GPC6: variants seen among roughly 807,000 people sequenced by gnomAD.
GPC6 encodes the protein glypican-6.
A neutral mutation model predicts 55.2 loss-of-function variants in GPC6; 14 were observed. That is an observed-to-expected ratio of 0.25 (90% CI 0.17 to 0.40). GPC6 has a LOEUF of 0.40. Among genes scored for constraint, GPC6 ranks in the 10% least tolerant of loss-of-function variants. The pLI is 1.00. For missense variants in GPC6, 641 were observed against 708.5 expected (o/e 0.90, Z 1.08); for synonymous variants, 278 against 259.6 (o/e 1.07, Z -0.68).
intron 7 of GPC6, among the ~76,000 whole-genome samples, chr13:94,392,895 G>A (rs2139220778): frequency 6.6e-6 from 1 of 152,072 alleles, no homozygotes; most frequent in African/African-American, 2.4e-5. Flanking sequence ...TTATAGGTGT[G>A]AGCCACTGCA....
At chr13:94,029,062 G>A (rs1883012279) in intron 4 of GPC6, among the ~76,000 whole-genome samples, 1 of 152,182 alleles carries the variant, frequency 6.6e-6, no homozygotes, top group South Asian at 2.1e-4. Context: ...AAACGAGCAT[G>A]CACAAGTAAA....
At chr13:93,662,203 C>A (rs1047862300) in intron 2 of GPC6, among the ~76,000 whole-genome samples, 2 of 152,162 alleles carry the variant, frequency 1.3e-5, no homozygotes, top group Admixed American at 1.3e-4. Flanking sequence ...TTCTGTTATT[C>A]ATAAATACAT....
rs558727640 is a variant in GPC6 at position 93,670,088 on chromosome 13, G to A, written c.319+124667G>A. ...CCAACAGGTGATCCATTAAGGACTTGAGAGCAGTTAAGTCTTCCTTTGGGA... is the reference window on the plus strand; with the variant it reads ...CCAACAGGTGATCCATTAAGGACTTAAGAGCAGTTAAGTCTTCCTTTGGGA... On this transcript the variant is annotated intron_variant, in intron 2 of 8. Transcript: ENST00000377047. Among the ~76,000 whole-genome samples the A allele has an allele frequency of 2.0e-5, 3 of 152,278 alleles. No individual in the cohort carries two copies. The South Asian group carries it at 6.2e-4, about 32-fold the overall frequency.
intron 1 of GPC6, among the ~76,000 whole-genome samples, chr13:93,254,081 G>T (rs1199630300): frequency 6.6e-6 from 1 of 152,106 alleles, no homozygotes; most frequent in Non-Finnish European, 1.5e-5. Flanking sequence ...TCAAGCATTT[G>T]GGAGGCCAAG....
intron 1 of GPC6, among the ~76,000 whole-genome samples, chr13:93,298,398 G>A (rs1003192649): frequency 1.3e-5 from 2 of 152,030 alleles, no homozygotes; most frequent in East Asian, 3.9e-4. Flanking sequence ...AGAAGTCCTT[G>A]TCCTTCTAGC....
At chr13:93,343,584 T>C (rs1189803001) in intron 1 of GPC6, among the ~76,000 whole-genome samples, 1 of 152,178 alleles carries the variant, frequency 6.6e-6, no homozygotes, top group Admixed American at 6.5e-5. Context: ...TTTTGCATCA[T>C]GTTTATTTTA....
intron 4 of GPC6, among the ~76,000 whole-genome samples, chr13:94,285,864 A>T (rs765801172): frequency 3.9e-5 from 6 of 152,202 alleles, no homozygotes. Context: ...GTGTGATCAC[A>T]TCCAGACAGA....
At chr13:93,573,477 C>CA (rs950391886) in intron 2 of GPC6, among the ~76,000 whole-genome samples, 28 of 143,822 alleles carry the variant, frequency 1.9e-4, no homozygotes, top group East Asian at 6.0e-4. Context: ...TGGGAAACTA[C>CA]AAAAAAAAAA....
intron 4 of GPC6, among the ~76,000 whole-genome samples, chr13:94,155,125 T>C (rs1228209972): frequency 6.6e-6 from 1 of 152,146 alleles, no homozygotes. Context: ...CAAACGTCTC[T>C]CCTGATGCCA....
chr13:93,246,303 A>G (rs1307438314), intron 1 of GPC6, among the ~76,000 whole-genome samples: 1 of 152,088 alleles, frequency 6.6e-6, no homozygotes, highest in African/African-American at 2.4e-5. Flanking sequence ...TGCTCCTTAC[A>G]TCATAGTTTT....
At chr13:93,922,449 A>T (rs1334292353) in intron 3 of GPC6, among the ~76,000 whole-genome samples, 1 of 152,208 alleles carries the variant, frequency 6.6e-6, no homozygotes, top group Non-Finnish European at 1.5e-5. Flanking sequence ...TAATTATACT[A>T]CATATCTAAA....
At chr13:94,225,692 C>T (rs1890534758) in intron 4 of GPC6, among the ~76,000 whole-genome samples, 1 of 139,824 alleles carries the variant, frequency 7.2e-6, no homozygotes, top group Non-Finnish European at 1.6e-5. Context: ...TATATATAAA[C>T]TGTATAGTCT....
chr13:93,893,953 T>C (rs1405760071), intron 3 of GPC6, among the ~76,000 whole-genome samples: 1 of 152,134 alleles, frequency 6.6e-6, no homozygotes, highest in Admixed American at 6.6e-5. Context: ...AGAACACCGG[T>C]CCACATGCAG....
At chr13:93,965,168 T>C (rs531398883) in intron 3 of GPC6, among the ~76,000 whole-genome samples, 2 of 145,096 alleles carry the variant, frequency 1.4e-5, no homozygotes, top group Non-Finnish European at 3.0e-5. Flanking sequence ...ATAACCACGA[T>C]TGGGAGGCTG....
intron 2 of GPC6, among the ~76,000 whole-genome samples, chr13:93,554,384 AT>A (rs1164628907): frequency 6.6e-6 from 1 of 152,092 alleles, no homozygotes; most frequent in Non-Finnish European, 1.5e-5. Context: ...CCAATATTCT[AT>A]TATTATTGCG....
chr13:93,535,923 T>C (rs771352338), intron 1 of GPC6, among the ~76,000 whole-genome samples: 2 of 152,174 alleles, frequency 1.3e-5, no homozygotes, highest in Non-Finnish European at 2.9e-5. Context: ...ACCTCAGTGA[T>C]GAGCCTGTAT....
At chr13:93,265,715 A>G (rs1877298896) in intron 1 of GPC6, among the ~76,000 whole-genome samples, 1 of 152,200 alleles carries the variant, frequency 6.6e-6, no homozygotes, top group African/African-American at 2.4e-5. Flanking sequence ...TATACATGCA[A>G]TGAGATGCCA....
intron 1 of GPC6, among the ~76,000 whole-genome samples, chr13:93,520,981 T>G (rs972419047): frequency 6.6e-6 from 1 of 151,990 alleles, no homozygotes; most frequent in East Asian, 1.9e-4. Flanking sequence ...AATCTCTACA[T>G]TATCTTTTAC....
At chr13:93,428,642 A>G (rs1039785722) in intron 1 of GPC6, among the ~76,000 whole-genome samples, 2 of 152,104 alleles carry the variant, frequency 1.3e-5, no homozygotes, top group Non-Finnish European at 2.9e-5. Context: ...ACATTCTTAA[A>G]TATGTTCTGC....
Sources: gnomAD v4.1 joint callset for allele counts (sites outside exome capture counted in the v4.1 genomes callset) on GRCh38, gnomAD v4.1.1 for gene constraint, MANE v1.5 for transcripts, NCBI Gene and HGNC (gene_info 2026-07-23, HGNC 2026-07-21) for gene names.